The following GPM6A variants were observed in gnomAD, a reference collection of about 807,000 sequenced individuals.
GPM6A encodes the protein glycoprotein M6A.
Under a neutral mutation model 32.1 loss-of-function variants are expected in GPM6A, and 7 were observed. The observed-to-expected ratio is 0.22, with a 90% confidence interval of 0.12 to 0.41. The LOEUF is 0.41. Ranked by LOEUF, GPM6A falls within the 10% of genes least tolerant of loss-of-function variation. GPM6A has a pLI of 1.00. For synonymous variants in GPM6A, 130 were observed against 123.4 expected (o/e 1.05, Z -0.35); for missense variants, 235 against 347.2 (o/e 0.68, Z 2.57).
chr4:175,962,233 A>G, intron 1 of GPM6A: 1 of 1,337,106 alleles, frequency 7.5e-7, no homozygotes, highest in Non-Finnish European at 1.1e-6. Context: ...GAACAAGAGA[A>G]CATTGACCTC....
At chr4:175,677,012 A>C (rs1743408317) in intron 2 of GPM6A, among the ~76,000 whole-genome samples, 1 of 152,156 alleles carries the variant, frequency 6.6e-6, no homozygotes, top group Non-Finnish European at 1.5e-5. Context: ...TATTTAAGTA[A>C]ATTTCAGCAT....
Position 175,651,883 on chromosome 4 carries a change from G to A in GPM6A, c.492C>T (p.Asn164=), listed in dbSNP as rs1331870126. The A allele has an allele frequency of 1.2e-6, 2 of 1,613,510 alleles. No individual in the cohort carries two copies. Among genetic ancestry groups the A allele is most frequent in the African/African-American group, 1.3e-5 (1 of 74,964 alleles). ...GATTTGCTCCCTCCACTAATGTGGT[G>A]TTCCGGCAGATGGTCCACAGATTGA... ...MYFNLWTICR[N]TTLVEGANLC... The change falls in exon 4 of 7, where the codon AAC becomes AAT. Residue 164 remains asparagine (N), a synonymous_variant. Transcript: ENST00000393658.
At chr4:175,876,939 G>A (rs1236230973) in intron 1 of GPM6A, among the ~76,000 whole-genome samples, 6 of 152,172 alleles carry the variant, frequency 3.9e-5, no homozygotes, top group East Asian at 1.9e-4. Flanking sequence ...TGACACTGTC[G>A]TAACAGACAG....
chr4:175,840,336 C>T (rs1316031245), intron 1 of GPM6A, among the ~76,000 whole-genome samples: 1 of 152,096 alleles, frequency 6.6e-6, no homozygotes, highest in Non-Finnish European at 1.5e-5. Context: ...TTAATAAGTG[C>T]ATATTGAATC....
chr4:175,687,549 C>T (rs1744054485), intron 2 of GPM6A, among the ~76,000 whole-genome samples: 1 of 151,874 alleles, frequency 6.6e-6, no homozygotes, highest in Non-Finnish European at 1.5e-5. Context: ...TATGTATATA[C>T]TGTATTTTCT....
At chr4:175,640,954 G>A (rs1741106235) in intron 4 of GPM6A, 125 bp from the exon 5 acceptor site, 1 of 637,918 alleles carries the variant, frequency 1.6e-6, no homozygotes, top group Admixed American at 2.8e-5. Context: ...TGTTACAGTG[G>A]AAAAATAATC....
At chr4:175,650,547 T>A (rs1373244270) in intron 4 of GPM6A, among the ~76,000 whole-genome samples, 1 of 152,062 alleles carries the variant, frequency 6.6e-6, no homozygotes, top group African/African-American at 2.4e-5. Context: ...TTAGGTGATG[T>A]GCCTGCCTTA....
Position 175,665,921 on chromosome 4 carries a change from CT to C in GPM6A, c.387+7758del, listed in dbSNP as rs774784502. Among the ~76,000 whole-genome samples, 370 of 139,700 alleles carry C rather than the reference CT, an allele frequency of 2.6e-3. 4 individuals carry two copies. The highest frequency in any genetic ancestry group is 3.7e-3 in the East Asian group (18 of 4,802). 91.6% of individuals were successfully genotyped at this position (139,700 alleles called of 152,430 possible). On this transcript the variant is annotated intron_variant, in intron 3 of 6. Coordinates refer to ENST00000393658, the MANE Select transcript of GPM6A (RefSeq NM_201591.3). ...ATACTGTAAATGTCTGAAAAATGTA[CT>C]TTTTTTTTTTTTTTGAGACAGAGTC...
At chr4:175,985,270 C>T (rs1740940146) in intron 1 of GPM6A, among the ~76,000 whole-genome samples, 1 of 152,114 alleles carries the variant, frequency 6.6e-6, no homozygotes, top group Non-Finnish European at 1.5e-5. Context: ...ATCATGTGTT[C>T]ACATTTGCTT....
At chr4:175,944,887 C>T (rs2126354546) in intron 1 of GPM6A, among the ~76,000 whole-genome samples, 1 of 151,926 alleles carries the variant, frequency 6.6e-6, no homozygotes, top group Non-Finnish European at 1.5e-5. Flanking sequence ...GACATAAATA[C>T]AGACGTCTCA....
At position 175,886,310 on chromosome 4, in the gene GPM6A, A is replaced by G. The variant is rs912221134; in HGVS notation, c.-22-74061T>C. Among the ~76,000 whole-genome samples, 9 of 152,332 alleles carry G rather than the reference A, an allele frequency of 5.9e-5. No homozygotes were observed. In the East Asian group the frequency reaches 1.3e-3, roughly 23 times the overall value. ...AGAGCATTATAATTAGACTGAAAGA[A>G]GACTTACAAAGCAGCAATGTAATCC... On this transcript the variant is annotated intron_variant, in intron 1 of 7. Coordinates refer to the GPM6A transcript ENST00000280187.
chr4:175,710,529 A>G (rs1172769374), intron 1 of GPM6A, among the ~76,000 whole-genome samples: 1 of 151,934 alleles, frequency 6.6e-6, no homozygotes, highest in South Asian at 2.1e-4. Flanking sequence ...CTGTTTGTAT[A>G]TTTATTGCAT....
chr4:175,748,215 C>T lies in GPM6A; in HGVS notation c.38-46448G>A, dbSNP rs138598740. ...GTCCTGTTAATGTCGATGTTTTGAC[C>T]TCCTACCGTGAATAATGAAAATGTT... On this transcript the variant is annotated intron_variant, in intron 1 of 6. Transcript: ENST00000393658. Among the ~76,000 whole-genome samples the T allele has an allele frequency of 4.6e-5, 7 of 152,212 alleles. No homozygotes were observed. In the East Asian group the frequency reaches 1.4e-3, roughly 29 times the overall value.
Position 175,650,889 on chromosome 4 carries a change from A to G in GPM6A, c.541+945T>C, listed in dbSNP as rs538013081. Among the ~76,000 whole-genome samples, 4 of 152,312 alleles carry G rather than the reference A, an allele frequency of 2.6e-5. No homozygotes were observed. In the South Asian group the frequency reaches 8.3e-4, roughly 32 times the overall value. On this transcript the variant is annotated intron_variant, in intron 4 of 6. Transcript: ENST00000393658. ...GGTGGCTTTTAATGTCTGTTCAGAGAAAAAATAATCCATTTGCAAATATGG... is the reference window on the plus strand; with the variant it reads ...GGTGGCTTTTAATGTCTGTTCAGAGGAAAAATAATCCATTTGCAAATATGG...
At chr4:175,936,914 TG>T (rs1390637014) in intron 1 of GPM6A, among the ~76,000 whole-genome samples, 1 of 151,982 alleles carries the variant, frequency 6.6e-6, no homozygotes, top group Non-Finnish European at 1.5e-5. Flanking sequence ...AAAATAAAAA[TG>T]TCCAGTAATA....
At chr4:175,961,984 C>CTGTGGTGTA in intron 1 of GPM6A, 1 of 533,936 alleles carries the variant, frequency 1.9e-6, no homozygotes, top group Non-Finnish European at 3.5e-6. Context: ...AGCAATAGGG[C>CTGTGGTGTA]TCTTGTATAT....
At chr4:175,668,519 A>ATGTGTGTGTGTGTGTGTGTGTG (rs56106172) in intron 3 of GPM6A, among the ~76,000 whole-genome samples, 2,890 of 139,298 alleles carry the variant, frequency 0.021, 61 homozygotes, top group East Asian at 0.032. Flanking sequence ...TCAAACGTTT[A>ATGTGTGTGTGTGTGTGTGTGTG]TGTGTGTGTG....
intron 1 of GPM6A, among the ~76,000 whole-genome samples, chr4:175,968,278 A>G (rs1323379803): frequency 6.6e-6 from 1 of 152,196 alleles, no homozygotes; most frequent in Non-Finnish European, 1.5e-5. Flanking sequence ...ATAAACACAA[A>G]GGACATCATA....
At chr4:175,713,529 C>T (rs1470372506) in intron 1 of GPM6A, among the ~76,000 whole-genome samples, 1 of 152,100 alleles carries the variant, frequency 6.6e-6, no homozygotes. Context: ...GAATATAGCT[C>T]AAATAATCCT....
Sources: gnomAD v4.1 joint callset for allele counts (sites outside exome capture counted in the v4.1 genomes callset) on GRCh38, gnomAD v4.1.1 for gene constraint, MANE v1.5 for transcripts, NCBI Gene and HGNC (gene_info 2026-07-23, HGNC 2026-07-21) for gene names.